ARNT2: variants seen among roughly 807,000 people sequenced by gnomAD.
ARNT2 encodes the protein ARNT protein 2.
ARNT2 carries 36 observed loss-of-function variants against 91.7 expected under a neutral mutation model. The observed-to-expected ratio is 0.39, with a 90% confidence interval of 0.30 to 0.52. The LOEUF (loss-of-function observed/expected upper bound fraction) is 0.52. ARNT2 is among the 20% of genes least tolerant of loss of function. ARNT2 has a pLI of 0.72. For missense variants in ARNT2, 775 were observed against 939.3 expected (o/e 0.83, Z 2.29); for synonymous variants, 365 against 347.1 (o/e 1.05, Z -0.57).
At chr15:80,571,111 C>T (rs1230126064) in intron 12 of ARNT2, among the ~76,000 whole-genome samples, 2 of 152,164 alleles carry the variant, frequency 1.3e-5, no homozygotes, top group Non-Finnish European at 1.5e-5. Flanking sequence ...AGAAGTTGTT[C>T]CCCAGATGAA....
At chr15:80,510,017 G>T (rs1034776579) in intron 6 of ARNT2, among the ~76,000 whole-genome samples, 4 of 152,192 alleles carry the variant, frequency 2.6e-5, no homozygotes, top group African/African-American at 7.2e-5. Context: ...ACTAAAAACT[G>T]CCCCGGTTTT....
intron 8 of ARNT2, among the ~76,000 whole-genome samples, chr15:80,520,172 G>T (rs1344701356): frequency 6.6e-6 from 1 of 151,950 alleles, no homozygotes; most frequent in African/African-American, 2.4e-5. Context: ...GTATTCTGAA[G>T]ATAAAAATGG....
intron 8 of ARNT2, among the ~76,000 whole-genome samples, chr15:80,525,376 A>G (rs376280373): frequency 6.6e-6 from 1 of 152,324 alleles, no homozygotes; most frequent in East Asian, 1.9e-4. Flanking sequence ...GATTGTAACT[A>G]CATTCTTAGC....
In ARNT2 at chr15:80,428,024, G is replaced by C. The variant is rs189175361; in HGVS notation, c.32-22856G>C. 1.6e-4 allele frequency among the ~76,000 whole-genome samples: 24 copies of C among 152,314 alleles called. No individual in the cohort carries two copies. The East Asian group carries it at 4.4e-3, about 28-fold the overall frequency. On this transcript the variant is annotated intron_variant, in intron 1 of 18. Transcript: ENST00000303329. ...ATCAGCTCGGCCTGATAATGAGGAG[G>C]GGAGATCTCTATTTGTCTGTTGCAG...
chr15:80,469,121 A>G (rs1421941751), intron 3 of ARNT2, among the ~76,000 whole-genome samples: 1 of 152,112 alleles, frequency 6.6e-6, no homozygotes, highest in South Asian at 2.1e-4. Context: ...ATTTTTAGAT[A>G]ATTCTTTTAT....
chr15:80,493,307 C>T (rs1047559850), intron 5 of ARNT2, among the ~76,000 whole-genome samples: 7 of 135,350 alleles, frequency 5.2e-5, no homozygotes, highest in African/African-American at 1.9e-4. Context: ...ATTAAGTTTC[C>T]AATACATGAG....
chr15:80,408,882 T>C (rs1445501030), intron 1 of ARNT2, among the ~76,000 whole-genome samples: 2 of 152,234 alleles, frequency 1.3e-5, no homozygotes, highest in Non-Finnish European at 2.9e-5. Context: ...TTTTAATTAA[T>C]TAATGAATTT....
chr15:80,561,391 G>A (rs1898347761), intron 11 of ARNT2, among the ~76,000 whole-genome samples: 2 of 152,152 alleles, frequency 1.3e-5, no homozygotes, highest in African/African-American at 4.8e-5. Flanking sequence ...TCACACCCAG[G>A]CCTAGCCCCA....
At chr15:80,443,026 G>C (rs1334014179) in intron 1 of ARNT2, 1 of 985,152 alleles carries the variant, frequency 1.0e-6, no homozygotes, top group Non-Finnish European at 1.2e-6. Flanking sequence ...AGAAGTCCAG[G>C]TACAGTAAGA....
chr15:80,559,456 A>G (rs967847583), intron 11 of ARNT2, among the ~76,000 whole-genome samples: 74 of 152,326 alleles, frequency 4.9e-4, no homozygotes, highest in Non-Finnish European at 2.2e-4. Context: ...ACTGACAGCC[A>G]AGGTGGGGGT....
chr15:80,524,439 G>A (rs889581415), intron 8 of ARNT2, among the ~76,000 whole-genome samples: 5 of 152,186 alleles, frequency 3.3e-5, no homozygotes, highest in African/African-American at 9.7e-5. Context: ...GTGTGCATGT[G>A]TGTTGAAGCA....
rs563282578 is a variant in ARNT2, at chr15:80,526,059, T to TAC, written c.877+11657_877+11658dup. On this transcript the variant is annotated intron_variant, in intron 8 of 18. Coordinates refer to ENST00000303329, the MANE Select transcript of ARNT2 (RefSeq NM_014862.4). ...TGCTTATACCTGAGAGGGTTAGTTGTACACTCGTTGTTCTTTCTCCTCCCT... is the reference window on the plus strand; with the variant it reads ...TGCTTATACCTGAGAGGGTTAGTTGTACACACTCGTTGTTCTTTCTCCTCCCT... Among the ~76,000 whole-genome samples, 4 of 152,234 alleles carry TAC rather than the reference T, an allele frequency of 2.6e-5. No homozygotes were observed. In the South Asian group the frequency reaches 8.3e-4, roughly 32 times the overall value.
chr15:80,496,167 A>G (rs1407843889), intron 5 of ARNT2, among the ~76,000 whole-genome samples: 2 of 151,550 alleles, frequency 1.3e-5, no homozygotes, highest in Non-Finnish European at 2.9e-5. Flanking sequence ...GCTTCCACGC[A>G]CCCTCTCTTG....
intron 5 of ARNT2, among the ~76,000 whole-genome samples, chr15:80,480,752 C>T (rs1039406710): frequency 2.0e-5 from 3 of 152,022 alleles, no homozygotes; most frequent in Non-Finnish European, 4.4e-5. Context: ...CCCTTCCTCT[C>T]CCCATCCTTC....
At chr15:80,409,715 G>C (rs1159184431) in intron 1 of ARNT2, among the ~76,000 whole-genome samples, 1 of 152,208 alleles carries the variant, frequency 6.6e-6, no homozygotes. Context: ...ATGAAGAAAT[G>C]ATCCCCTGAG....
At chr15:80,542,384 A>G (rs896675002) in intron 8 of ARNT2, among the ~76,000 whole-genome samples, 3 of 152,228 alleles carry the variant, frequency 2.0e-5, no homozygotes, top group African/African-American at 7.2e-5. Context: ...GATGAAACTT[A>G]CAATTGAGAA....
chr15:80,420,158 A>T (rs2141560840), intron 1 of ARNT2, among the ~76,000 whole-genome samples: 1 of 152,320 alleles, frequency 6.6e-6, no homozygotes, highest in Middle Eastern at 3.4e-3. Context: ...TAGTTTAAAA[A>T]AAAGACCCTA....
rs1183318920 is a variant in ARNT2 at position 80,545,334 on chromosome 15, A to C, written c.878-5865A>C. ...GGGCTCTTTAAATTCCTGAGGGGCAAGAAACTGGACATCCTTAAAGGCACA... is the reference window on the plus strand; with the variant it reads ...GGGCTCTTTAAATTCCTGAGGGGCACGAAACTGGACATCCTTAAAGGCACA... On this transcript the variant is annotated intron_variant, in intron 8 of 18. Transcript: ENST00000303329. 2.6e-5 allele frequency among the ~76,000 whole-genome samples: 4 copies of C among 152,236 alleles called. No individual in the cohort carries two copies. The East Asian group carries it at 5.8e-4, about 22-fold the overall frequency.
At chr15:80,488,688 C>T (rs559837532) in intron 5 of ARNT2, 1 of 152,200 alleles carries the variant, frequency 6.6e-6, no homozygotes, top group East Asian at 1.9e-4. Flanking sequence ...CAATGCGACC[C>T]CTGCCAACAA....
Sources: allele counts gnomAD v4.1 joint callset (sites outside exome capture counted in the v4.1 genomes callset), GRCh38; gene constraint gnomAD v4.1.1; transcripts MANE v1.5; gene names NCBI Gene and HGNC (gene_info 2026-07-23, HGNC 2026-07-21).